Variants in ZNF717 observed in about 807,000 individuals in gnomAD.
ZNF717 encodes the protein zinc finger protein 717.
A neutral mutation model predicts 13.8 loss-of-function variants in ZNF717; 9 were observed. The observed-to-expected ratio is 0.65, with a 90% CI of 0.39 to 1.14. The LOEUF (loss-of-function observed/expected upper bound fraction) is 1.14, where lower values mean the gene tolerates loss of function less well. ZNF717 is among the 50% of genes most tolerant of loss of function. The pLI is 0.01. For missense variants in ZNF717, 1,040 were observed against 1,080.7 expected (o/e 0.96, Z 0.53); for synonymous variants, 327 against 364.1 (o/e 0.90, Z 1.16).
intron 2 of ZNF717, among the ~76,000 whole-genome samples, chr3:75,763,841 T>G (rs1943223582): frequency 6.6e-6 from 1 of 152,090 alleles, no homozygotes; most frequent in Admixed American, 6.5e-5. Flanking sequence ...CCTAAAGGAG[T>G]GGAAATTTAC....
downstream of ZNF717, among the ~76,000 whole-genome samples, chr3:75,729,615 C>CAAAAAAAAAA (rs369485280): frequency 1.7e-5 from 2 of 115,548 alleles, no homozygotes; most frequent in Non-Finnish European, 3.4e-5. Context: ...AACTCCATAT[C>CAAAAAAAAAA]AAAAAAAAAA....
chr3:75,712,176 G>C, intron 5 of ZNF717, among the ~76,000 whole-genome samples: 1 of 152,160 alleles, frequency 6.6e-6, no homozygotes, highest in Non-Finnish European at 1.5e-5. Context: ...TTTTAGGCAA[G>C]AAAAAAGGGG....
intron 1 of ZNF717, among the ~76,000 whole-genome samples, chr3:75,783,824 A>C (rs1944983648): frequency 6.6e-6 from 1 of 152,204 alleles, no homozygotes; most frequent in Non-Finnish European, 1.5e-5. Flanking sequence ...ACATCATGGA[A>C]AGTGCATCTT....
chr3:75,701,402 G>A (rs1346363743), intron 6 of ZNF717, among the ~76,000 whole-genome samples: 5 of 152,308 alleles, frequency 3.3e-5, no homozygotes, highest in African/African-American at 9.6e-5. Context: ...CAGGTGTGGT[G>A]GCTCACGCCT....
chr3:75,780,900 G>A (rs1220006683), intron 2 of ZNF717, among the ~76,000 whole-genome samples: 1 of 152,270 alleles, frequency 6.6e-6, no homozygotes, highest in Non-Finnish European at 1.5e-5. Context: ...GGACGTTCCA[G>A]CATAAGAAGG....
chr3:75,770,168 T>C (rs961641680), intron 2 of ZNF717, among the ~76,000 whole-genome samples: 4 of 152,156 alleles, frequency 2.6e-5, no homozygotes, highest in Non-Finnish European at 5.9e-5. Context: ...CCCTTCAGGT[T>C]TTGCCAAGAA....
At chr3:75,697,664 A>G (rs1423175044) in intron 6 of ZNF717, among the ~76,000 whole-genome samples, 1 of 152,306 alleles carries the variant, frequency 6.6e-6, no homozygotes, top group African/African-American at 2.4e-5. Context: ...TTTTTTAAAA[A>G]TAAATTATCC....
intron 2 of ZNF717, among the ~76,000 whole-genome samples, chr3:75,772,085 A>T (rs928324908): frequency 1.3e-5 from 2 of 152,238 alleles, no homozygotes; most frequent in African/African-American, 4.8e-5. Context: ...ACTGGCCTGC[A>T]GGCACTCCTC....
chr3:75,755,934 CAG>C (rs1254054798), intron 2 of ZNF717, among the ~76,000 whole-genome samples: 3 of 152,260 alleles, frequency 2.0e-5, no homozygotes, highest in African/African-American at 7.2e-5. Flanking sequence ...AATTCAAAGA[CAG>C]AGATTGTCAG....
chr3:75,772,672 TTGC>T (rs1412219216), intron 2 of ZNF717, among the ~76,000 whole-genome samples: 17 of 149,422 alleles, frequency 1.1e-4, no homozygotes, highest in South Asian at 2.1e-4. Flanking sequence ...CCATGCTCGC[TTGC>T]TCACACACCC....
intron 2 of ZNF717, 116 bp downstream of exon 2, chr3:75,783,190 T>C (rs753215259): frequency 3.4e-5 from 27 of 783,482 alleles, no homozygotes; most frequent in Admixed American, 8.4e-5. Flanking sequence ...CTTATTTATG[T>C]ATATTTCCTT....
intron 2 of ZNF717, among the ~76,000 whole-genome samples, chr3:75,781,048 T>G (rs953070145): frequency 2.7e-4 from 41 of 152,238 alleles, no homozygotes; most frequent in African/African-American, 9.6e-4. Flanking sequence ...CTCTCAAAAT[T>G]GAGAAAATAA....
At chr3:75,739,570 T>C (rs1940071825) in intron 4 of ZNF717, among the ~76,000 whole-genome samples, 1 of 152,138 alleles carries the variant, frequency 6.6e-6, no homozygotes, top group Non-Finnish European at 1.5e-5. Context: ...ATTTTGAAGT[T>C]TTCCTGTTCT....
intron 2 of ZNF717, among the ~76,000 whole-genome samples, chr3:75,778,100 A>G (rs1944477334): frequency 6.6e-6 from 1 of 151,916 alleles, no homozygotes. Context: ...AATGGGAGTG[A>G]CGTGCTAAAA....
At chr3:75,731,679 A>G (rs1461974631), downstream of ZNF717, among the ~76,000 whole-genome samples, 1 of 152,206 alleles carries the variant, frequency 6.6e-6, no homozygotes, top group Non-Finnish European at 1.5e-5. Flanking sequence ...TTGGGAGGCC[A>G]AAGCAGGAGG....
chr3:75,756,468 A>G (rs994664949), intron 2 of ZNF717, among the ~76,000 whole-genome samples: 9 of 152,262 alleles, frequency 5.9e-5, no homozygotes, highest in African/African-American at 1.7e-4. Context: ...ACAGGCCAGT[A>G]GCTAGACCTC....
intron 2 of ZNF717, among the ~76,000 whole-genome samples, chr3:75,778,497 C>T (rs1237570825): frequency 5.3e-5 from 8 of 150,088 alleles, no homozygotes; most frequent in African/African-American, 1.2e-4. Flanking sequence ...ATGCTAAAAC[C>T]GGAACGCAAA....
intron 4 of ZNF717, among the ~76,000 whole-genome samples, chr3:75,718,745 A>G (rs1938112020): frequency 6.6e-6 from 1 of 152,080 alleles, no homozygotes; most frequent in Non-Finnish European, 1.5e-5. Context: ...TCGTACTCCT[A>G]TGAGAATCGA....
At chr3:75,776,960 G>T (rs1018041856) in intron 2 of ZNF717, among the ~76,000 whole-genome samples, 1 of 152,154 alleles carries the variant, frequency 6.6e-6, no homozygotes, top group Admixed American at 6.5e-5. Context: ...TAATCTATTT[G>T]ATTTTAGGTG....
Sources: allele counts gnomAD v4.1 joint callset (sites outside exome capture counted in the v4.1 genomes callset), GRCh38; gene constraint gnomAD v4.1.1; transcripts MANE v1.5; gene names NCBI Gene and HGNC (gene_info 2026-07-23, HGNC 2026-07-21).